OXCT1: variants seen among roughly 807,000 people sequenced by gnomAD.
The protein encoded by OXCT1 is 3-oxoacid CoA-transferase 1.
In OXCT1, 27 loss-of-function variants were observed where a neutral mutation model predicts 69.6. The ratio of observed to expected loss-of-function variants is 0.39; its 90% CI spans 0.29 to 0.54. The LOEUF (loss-of-function observed/expected upper bound fraction) is 0.54. Among genes scored for constraint, OXCT1 ranks in the 20% least tolerant of loss-of-function variants. The pLI, the probability that OXCT1 is intolerant of heterozygous loss-of-function variation, is 0.72. For missense variants in OXCT1, 437 were observed against 650.2 expected (o/e 0.67, Z 3.57); for synonymous variants, 202 against 217.8 (o/e 0.93, Z 0.64).
intron 7 of OXCT1, among the ~76,000 whole-genome samples, chr5:41,832,690 G>C (rs1748155378): frequency 6.6e-6 from 1 of 152,010 alleles, no homozygotes; most frequent in Admixed American, 6.5e-5. Context: ...GACCAATCTT[G>C]GGGAAACAGA....
chr5:41,803,118 C>T lies in OXCT1; in HGVS notation c.1001G>A (p.Ser334Asn). 1.2e-6 allele frequency: 2 copies of T among 1,612,214 alleles called. No homozygotes were observed. Among genetic ancestry groups the T allele is most frequent in the East Asian group, 4.5e-5 (2 of 44,768 alleles). ...TTGAAGATGAACAGTTATATTTGGG[C>T]TGATAAAATTGCTGGCCAGGAGAGG... is the stretch of plus-strand genomic sequence containing the variant. ...GIPLLASNFI[S>N]PNITVHLQSE... Residue 334 changes from serine to asparagine, a missense_variant, in exon 10 of 17, where the codon AGC becomes AAC. This residue lies in a region of OXCT1 where 252 missense variants were observed against 397.4 expected (regional missense o/e 0.63). Coordinates refer to ENST00000196371, the MANE Select transcript of OXCT1 (RefSeq NM_000436.4).
chr5:41,743,579 C>T (rs970938918), intron 15 of OXCT1, among the ~76,000 whole-genome samples: 4 of 152,146 alleles, frequency 2.6e-5, no homozygotes, highest in Admixed American at 6.6e-5. Flanking sequence ...AATGGTGTTG[C>T]CTAGGTTTTC....
In OXCT1 at chr5:41,731,825, C is replaced by T. The variant is rs779653264; in HGVS notation, c.1522-55G>A. On this transcript the variant is annotated intron_variant, in intron 16 of 16. Coordinates refer to ENST00000196371, the MANE Select transcript of OXCT1 (RefSeq NM_000436.4). Reference sequence around the variant, plus strand: ...ATGAAAAACTGCATGATATAAATCTCTCTCCTTTTAATTTCCAAATTTCAA... The same window carrying T: ...ATGAAAAACTGCATGATATAAATCTTTCTCCTTTTAATTTCCAAATTTCAA... 6 of 1,563,722 alleles carry T rather than the reference C, an allele frequency of 3.8e-6. No individual in the cohort carries two copies. The Middle Eastern group carries it at 6.7e-4, about 174-fold the overall frequency.
At chr5:41,857,218 C>CA (rs1749472091) in intron 3 of OXCT1, among the ~76,000 whole-genome samples, 1 of 152,156 alleles carries the variant, frequency 6.6e-6, no homozygotes, top group African/African-American at 2.4e-5. Flanking sequence ...AACATGGCAG[C>CA]CAAAGCAAGC....
rs76803523 is a variant in OXCT1, at chr5:41,736,345, G to A, written c.1521+3045C>T. Among the ~76,000 whole-genome samples, 1,274 of 152,230 alleles carry A rather than the reference G, an allele frequency of 8.4e-3. 21 individuals carry two copies. The highest frequency in any genetic ancestry group is 0.029 in the African/African-American group (1,220 of 41,528). On this transcript the variant is annotated intron_variant, in intron 16 of 16. Coordinates refer to ENST00000196371, the MANE Select transcript of OXCT1 (RefSeq NM_000436.4). The stretch of plus-strand genomic sequence containing the variant: ...TATGACCTTCAAGATACTGCCCTCC[G>A]ATGGAAAACTCCAACTTTCAGTTGA...
At chr5:41,842,124 C>T (rs551013853) in intron 6 of OXCT1, among the ~76,000 whole-genome samples, 3 of 152,138 alleles carry the variant, frequency 2.0e-5, no homozygotes, top group South Asian at 4.2e-4. Flanking sequence ...CTTAGAATAA[C>T]CAAAAGATTT....
chr5:41,866,022 A>C (rs1308995271), intron 1 of OXCT1, among the ~76,000 whole-genome samples: 146 of 116,202 alleles, frequency 1.3e-3, no homozygotes, highest in Admixed American at 2.4e-3. Context: ...TGTACAGTAG[A>C]CCCCCCCCCC....
In OXCT1 at chr5:41,739,497, A is replaced by G. The variant is rs531491155; in HGVS notation, c.1420-6T>C. Reference sequence around the variant, plus strand: ...TTGTCCACATCAAACACAGCCTGTCAGAGTGGGAAGAAAAAGGACAATGAC... The same window carrying G: ...TTGTCCACATCAAACACAGCCTGTCGGAGTGGGAAGAAAAAGGACAATGAC... On this transcript the variant is annotated splice_region_variant and splice_polypyrimidine_tract_variant and intron_variant, in intron 15 of 16. Transcript: ENST00000196371. The G allele has an allele frequency of 1.3e-5, 21 of 1,585,552 alleles. No individual in the cohort carries two copies. In the South Asian group the frequency reaches 2.0e-4, roughly 15 times the overall value.
chr5:41,843,092 T>C (rs1266358160), intron 5 of OXCT1, among the ~76,000 whole-genome samples: 1 of 152,212 alleles, frequency 6.6e-6, no homozygotes, highest in Non-Finnish European at 1.5e-5. Context: ...ATGTACAGGT[T>C]GTATATTGAA....
intron 13 of OXCT1, among the ~76,000 whole-genome samples, chr5:41,767,722 G>GTGTA (rs1554011237): frequency 7.9e-4 from 71 of 89,956 alleles, no homozygotes; most frequent in South Asian, 2.3e-3. Context: ...ATATGTGTGT[G>GTGTA]TATATATATA....
At chr5:41,792,527 T>A (rs961417675) in intron 13 of OXCT1, among the ~76,000 whole-genome samples, 3 of 152,182 alleles carry the variant, frequency 2.0e-5, no homozygotes, top group Admixed American at 2.0e-4. Context: ...TACTACCCCG[T>A]ATGGCCCTTT....
chr5:41,735,610 A>G (rs1211873811), intron 16 of OXCT1, among the ~76,000 whole-genome samples: 1 of 152,232 alleles, frequency 6.6e-6, no homozygotes, highest in African/African-American at 2.4e-5. Context: ...ATAGGAAAGC[A>G]TTACTGAACA....
chr5:41,759,429 G>A (rs1410430107), intron 14 of OXCT1, among the ~76,000 whole-genome samples: 1 of 152,194 alleles, frequency 6.6e-6, no homozygotes, highest in South Asian at 2.1e-4. Flanking sequence ...GAAGAAAGGT[G>A]GCTGGACACC....
intron 14 of OXCT1, among the ~76,000 whole-genome samples, chr5:41,755,399 G>A (rs1349720504): frequency 6.6e-6 from 1 of 151,930 alleles, no homozygotes; most frequent in African/African-American, 2.4e-5. Flanking sequence ...CCTGGCTACT[G>A]TATATTCTAA....
At chr5:41,760,585 A>G (rs963526321) in intron 14 of OXCT1, among the ~76,000 whole-genome samples, 1 of 152,152 alleles carries the variant, frequency 6.6e-6, no homozygotes, top group Admixed American at 6.5e-5. Flanking sequence ...AAAATAAACT[A>G]AAATAAGTTG....
intron 16 of OXCT1, among the ~76,000 whole-genome samples, chr5:41,739,088 G>C (rs1305983315): frequency 6.6e-6 from 1 of 152,196 alleles, no homozygotes; most frequent in African/African-American, 2.4e-5. Flanking sequence ...AAGAACAGGG[G>C]ATTACAAGGG....
At chr5:41,750,135 G>GTTTTTTTTTTTTTTTTTTTTT (rs11291155) in intron 14 of OXCT1, among the ~76,000 whole-genome samples, 3 of 73,914 alleles carry the variant, frequency 4.1e-5, no homozygotes, top group African/African-American at 5.4e-5. Context: ...GTGTTTTTTG[G>GTTTTTTTTTTTTTTTTTTTTT]TTTTTTTTTT....
intron 7 of OXCT1, among the ~76,000 whole-genome samples, chr5:41,832,902 T>C (rs1294593511): frequency 2.0e-5 from 3 of 152,088 alleles, no homozygotes; most frequent in Non-Finnish European, 4.4e-5. Flanking sequence ...ATAGCAGAAC[T>C]GATCAAGCAG....
intron 4 of OXCT1, among the ~76,000 whole-genome samples, chr5:41,851,088 G>A (rs1300901445): frequency 6.6e-6 from 1 of 152,156 alleles, no homozygotes; most frequent in Non-Finnish European, 1.5e-5. Context: ...TTGAGGCCAG[G>A]AGTTTGAGTC....
Sources: allele counts gnomAD v4.1 joint callset (sites outside exome capture counted in the v4.1 genomes callset), GRCh38; gene constraint gnomAD v4.1.1; regional missense constraint gnomAD v4.1.1; transcripts MANE v1.5; gene names NCBI Gene and HGNC (gene_info 2026-07-23, HGNC 2026-07-21).